Variants in WSCD1 observed in about 807,000 individuals in gnomAD.
WSCD1 encodes the protein WSC domain sialate O sulfotransferase 1, also known as sialate:O-sulfotransferase 1.
Under a neutral mutation model 60.4 loss-of-function variants are expected in WSCD1, and 41 were observed. The ratio of observed to expected loss-of-function variants is 0.68; its 90% CI spans 0.53 to 0.88. The LOEUF is 0.88. Among genes scored for constraint, WSCD1 ranks in the 40% least tolerant of loss-of-function variants. The pLI, the probability that WSCD1 is intolerant of heterozygous loss-of-function variation, is 0.00. For synonymous variants in WSCD1, 361 were observed against 332.5 expected, an observed-to-expected ratio of 1.09 and a Z score of -0.93; for missense variants, 784 against 796.2, an observed-to-expected ratio of 0.98 and a Z score of 0.18.
At chr17:6,088,247 AG>A in intron 3 of WSCD1, 143 bp downstream of exon 3, 1 of 732,968 alleles carries the variant, frequency 1.4e-6, no homozygotes, top group Non-Finnish European at 2.2e-6. Context: ...TCCAGAAGAA[AG>A]GAAGTTTGTT....
At chr17:6,081,797 A>G (rs1239199351) in intron 2 of WSCD1, 1 of 152,148 alleles carries the variant, frequency 6.6e-6, no homozygotes, top group Non-Finnish European at 1.5e-5. Context: ...GGCTATTGTG[A>G]CAAGCAAATG....
At position 6,120,851 on chromosome 17, in the gene WSCD1, A is replaced by T. The variant is rs188445009; in HGVS notation, c.*190A>T. ...CACATCACAAGGCGAACACAAATGGACACACATACCTGGCCACGAACCCAC... is the reference window on the plus strand; with the variant it reads ...CACATCACAAGGCGAACACAAATGGTCACACATACCTGGCCACGAACCCAC... On this transcript the variant is annotated 3_prime_UTR_variant, in exon 9 of 9. Transcript: ENST00000317744. 2.3e-4 allele frequency: 148 copies of T among 631,372 alleles called. No individual in the cohort carries two copies. The highest frequency in any genetic ancestry group is 3.7e-4 in the Non-Finnish European group (138 of 368,624). The allele number at this position is 631,372 out of a possible 1,614,324, so 39.1% of individuals were successfully genotyped here.
At chr17:6,092,026 T>C (rs891322129) in intron 4 of WSCD1, among the ~76,000 whole-genome samples, 1 of 151,900 alleles carries the variant, frequency 6.6e-6, no homozygotes, top group Admixed American at 6.6e-5. Context: ...TGGTGGCAGG[T>C]GCCTGTAATC....
chr17:6,108,763 G>A (rs912265947), intron 5 of WSCD1, among the ~76,000 whole-genome samples: 2 of 152,230 alleles, frequency 1.3e-5, no homozygotes, highest in African/African-American at 2.4e-5. Flanking sequence ...CCTTCAGGAT[G>A]CCAGCTCTCT....
intron 7 of WSCD1, among the ~76,000 whole-genome samples, chr17:6,115,661 C>G (rs1420316312): frequency 6.6e-6 from 1 of 151,980 alleles, no homozygotes; most frequent in Admixed American, 6.6e-5. Context: ...ATGGCACAAT[C>G]TCAGCTCACT....
intron 1 of WSCD1, among the ~76,000 whole-genome samples, chr17:6,073,382 G>A (rs1440261208): frequency 6.6e-6 from 1 of 152,196 alleles, no homozygotes; most frequent in Non-Finnish European, 1.5e-5. Flanking sequence ...TGTAATTCTG[G>A]TGTTTTGGAA....
chr17:6,080,179 G>C lies in WSCD1; in HGVS notation c.-288-192G>C, dbSNP rs1247487933. The C allele has an allele frequency of 6.1e-6, 1 of 163,592 alleles. No homozygotes were observed. The highest frequency in any genetic ancestry group is 1.3e-5 in the Non-Finnish European group (1 of 76,614). The allele number at this position is 163,592 out of a possible 1,614,324, so 10.1% of individuals were successfully genotyped here. A position where few individuals can be genotyped will look rare whatever the true frequency, so the allele number is the denominator to read the frequency against. On this transcript the variant is annotated intron_variant, in intron 1 of 8. Coordinates refer to ENST00000317744, the MANE Select transcript of WSCD1 (RefSeq NM_015253.2). The surrounding 1 kb of genome is among the most constrained non-coding windows in gnomAD (Gnocchi z 6.6). ...GATGGGGAAGCTGAGGCCCAGCAAG[G>C]TTAAGCAACCTACCCAGTGTCACAC...
chr17:6,100,731 C>T (rs1910749658), intron 5 of WSCD1, among the ~76,000 whole-genome samples: 1 of 152,156 alleles, frequency 6.6e-6, no homozygotes, highest in African/African-American at 2.4e-5. Context: ...GCCAACAGCC[C>T]ATATTCCCTC....
intron 2 of WSCD1, among the ~76,000 whole-genome samples, chr17:6,087,380 CTGT>C (rs1567552310): frequency 6.6e-6 from 1 of 152,190 alleles, no homozygotes; most frequent in African/African-American, 2.4e-5. Context: ...TCACTTGGCC[CTGT>C]TGTTTCCCAC....
rs115167926 is a variant in WSCD1, at chr17:6,097,645, G to A, written c.849+2422G>A. On this transcript the variant is annotated intron_variant, in intron 5 of 8. Coordinates refer to ENST00000317744, the MANE Select transcript of WSCD1 (RefSeq NM_015253.2). ...TATTTCCAGCCTTCACAAACGATGC[G>A]GCAGTGACTACCTGTGTATGTACGT... Among the ~76,000 whole-genome samples the A allele has an allele frequency of 4.4e-3, 669 of 152,322 alleles. 1 individual carries two copies. The highest frequency in any genetic ancestry group is 0.015 in the African/African-American group (621 of 41,572).
rs74756891 is a variant in WSCD1 at position 6,124,098 on chromosome 17, C to G, written c.*3437C>G. ...CCTTCCATCTTTCCAGCTATGGTGA[C>G]TGGGTTAGGTATGATCTTGTGAGTT... On this transcript the variant is annotated 3_prime_UTR_variant, in exon 9 of 9. Coordinates refer to ENST00000317744, the MANE Select transcript of WSCD1 (RefSeq NM_015253.2). The G allele has an allele frequency of 6.6e-6, 1 of 152,316 alleles. No homozygotes were observed. The highest frequency in any genetic ancestry group is 1.5e-5 in the Non-Finnish European group (1 of 68,052). The allele number at this position is 152,316 out of a possible 1,614,324, so 9.4% of individuals were successfully genotyped here.
In WSCD1 at chr17:6,088,116, G is replaced by A. The variant is rs1254523303; in HGVS notation, c.542+12G>A. ...GCGTGTGCTGAGCGGTGAGTGCTGG[G>A]GCCCTGGACTGTTGATTCTAGAGGC... On this transcript the variant is annotated intron_variant, in intron 3 of 8. Coordinates refer to ENST00000317744, the MANE Select transcript of WSCD1 (RefSeq NM_015253.2). 1.9e-6 allele frequency: 3 copies of A among 1,610,856 alleles called. No homozygotes were observed. The highest frequency in any genetic ancestry group is 2.5e-6 in the Non-Finnish European group (3 of 1,177,268).
intron 7 of WSCD1, among the ~76,000 whole-genome samples, chr17:6,117,707 C>T (rs1282739538): frequency 6.6e-6 from 1 of 152,238 alleles, no homozygotes; most frequent in Non-Finnish European, 1.5e-5. Context: ...CTTCTGCCCT[C>T]TGACTCCTGG....
At chr17:6,086,377 C>T (rs1462498637) in intron 2 of WSCD1, among the ~76,000 whole-genome samples, 1 of 150,886 alleles carries the variant, frequency 6.6e-6, no homozygotes, top group Non-Finnish European at 1.5e-5. Flanking sequence ...GCTCTGTCAC[C>T]CAGGCTGGAG....
rs1597351402 is a variant in WSCD1, at chr17:6,080,914, G to A, written c.256G>A (p.Asp86Asn). Residue 86 changes from aspartate to asparagine, a missense_variant, in exon 2 of 9, where the codon GAC becomes AAC. Physicochemically the swap from Asp to Asn is conservative, Grantham distance 23 (BLOSUM62 1). Coordinates refer to ENST00000317744, the MANE Select transcript of WSCD1 (RefSeq NM_015253.2). The surrounding 1 kb of genome is among the most constrained non-coding windows in gnomAD (Gnocchi z 6.6). ...RVSPELLLGV[D>N]MLQSPLTRPR... The stretch of plus-strand genomic sequence containing the variant: ...CAGCCCAGAGCTGCTGCTGGGTGTG[G>A]ACATGCTGCAGAGCCCCCTGACCCG... 6.3e-7 allele frequency: 1 copy of A among 1,595,176 alleles called. No homozygotes were observed. Among genetic ancestry groups the A allele is most frequent in the East Asian group, 2.3e-5 (1 of 44,410 alleles).
chr17:6,085,887 G>A lies in WSCD1; in HGVS notation c.428-2103G>A, dbSNP rs143629317. Among the ~76,000 whole-genome samples, 1,087 of 152,222 alleles carry A rather than the reference G, an allele frequency of 7.1e-3. 7 individuals carry two copies. Among genetic ancestry groups the A allele is most frequent in the Middle Eastern group, 0.014 (4 of 294 alleles). ...CTGTGCAGTGGTCCGTGCTGGTGGCGGTGGACCTGAGACTTACAGAAGTAG... is the reference window on the plus strand; with the variant it reads ...CTGTGCAGTGGTCCGTGCTGGTGGCAGTGGACCTGAGACTTACAGAAGTAG... On this transcript the variant is annotated intron_variant, in intron 2 of 8. Coordinates refer to ENST00000317744, the MANE Select transcript of WSCD1 (RefSeq NM_015253.2).
At chr17:6,085,426 ACC>A (rs72116633) in intron 2 of WSCD1, among the ~76,000 whole-genome samples, 5,632 of 152,260 alleles carry the variant, frequency 0.037, 322 homozygotes, top group African/African-American at 0.13. Flanking sequence ...TACATGTGTT[ACC>A]TTATGGAATT....
At position 6,117,985 on chromosome 17, in the gene WSCD1, C is replaced by A. The variant is rs1904398489; in HGVS notation, c.1175-3C>A. The A allele has an allele frequency of 6.2e-7, 1 of 1,613,100 alleles. No individual in the cohort carries two copies. The highest frequency in any genetic ancestry group is 8.5e-7 in the Non-Finnish European group (1 of 1,179,964). ...ACAGAGACCCTCTCATTTTTCCCTG[C>A]AGGGTTCAAGGGCGAAAAGGACCAC... On this transcript the variant is annotated splice_region_variant and splice_polypyrimidine_tract_variant and intron_variant, in intron 7 of 8. Transcript: ENST00000317744.
At chr17:6,097,729 A>G (rs1044210679) in intron 5 of WSCD1, among the ~76,000 whole-genome samples, 2 of 152,188 alleles carry the variant, frequency 1.3e-5, no homozygotes, top group South Asian at 4.1e-4. Flanking sequence ...GCTGGGTCAA[A>G]GACTGAGTGT....
Sources: gnomAD v4.1 joint callset for allele counts (sites outside exome capture counted in the v4.1 genomes callset) on GRCh38, gnomAD v4.1.1 for gene constraint, Gnocchi (gnomAD v3.1) non-coding constraint, MANE v1.5 for transcripts, NCBI Gene and HGNC (gene_info 2026-07-23, HGNC 2026-07-21) for gene names.